LAMA2: variants seen among roughly 807,000 people sequenced by gnomAD.
LAMA2 encodes the protein laminin subunit alpha 2.
In LAMA2, 269 loss-of-function variants were observed where a neutral mutation model predicts 364.8. The ratio of observed to expected loss-of-function variants is 0.74; its 90% CI spans 0.67 to 0.82. The LOEUF (loss-of-function observed/expected upper bound fraction) is 0.82, where lower values mean the gene tolerates loss of function less well. Among genes scored for constraint, LAMA2 ranks in the 40% least tolerant of loss-of-function variants. LAMA2 has a pLI of 0.00. For synonymous variants in LAMA2, 1,379 were observed against 1,370.6 expected (o/e 1.01, Z -0.14); for missense variants, 3,807 against 3,873.2 (o/e 0.98, Z 0.45).
chr6:129,332,012 A>C (rs1357460627), intron 29 of LAMA2, among the ~76,000 whole-genome samples: 3 of 152,168 alleles, frequency 2.0e-5, no homozygotes, highest in Non-Finnish European at 2.9e-5. Context: ...ATTACTCTGA[A>C]ATCTACATAG....
intron 46 of LAMA2, among the ~76,000 whole-genome samples, 156 bp from the exon 47 acceptor site, chr6:129,453,999 A>G (rs1441410850): frequency 6.6e-6 from 1 of 150,412 alleles, no homozygotes; most frequent in East Asian, 1.9e-4. Flanking sequence ...TTAATAATGT[A>G]TAATAATAAA....
intron 35 of LAMA2, among the ~76,000 whole-genome samples, chr6:129,385,003 A>T (rs1778899897): frequency 7.6e-6 from 1 of 132,182 alleles, no homozygotes. Context: ...GTTCATTGAG[A>T]TGTAATACAA....
intron 4 of LAMA2, among the ~76,000 whole-genome samples, chr6:129,124,788 C>G (rs1777017649): frequency 6.6e-6 from 1 of 152,110 alleles, no homozygotes; most frequent in Admixed American, 6.6e-5. Context: ...GTGCAACCAC[C>G]ACCACAATCC....
chr6:129,468,405 CAT>C (rs557189059), intron 51 of LAMA2, among the ~76,000 whole-genome samples: 32 of 151,892 alleles, frequency 2.1e-4, no homozygotes, highest in Non-Finnish European at 2.7e-4. Flanking sequence ...TGTTTTTCCA[CAT>C]GTCTTCTCAT....
intron 43 of LAMA2, chr6:129,442,152 G>A: frequency 2.5e-6 from 3 of 1,203,904 alleles, no homozygotes; most frequent in Non-Finnish European, 3.3e-6. Flanking sequence ...ACTGTAATTG[G>A]TATTATATGC....
chr6:128,888,527 G>A (rs372152153), intron 1 of LAMA2, among the ~76,000 whole-genome samples: 7 of 152,198 alleles, frequency 4.6e-5, no homozygotes, highest in African/African-American at 1.7e-4. Flanking sequence ...GGAATGGAGG[G>A]AGGTTGATGG....
At chr6:128,964,473 G>A (rs895136353) in intron 1 of LAMA2, among the ~76,000 whole-genome samples, 3 of 152,030 alleles carry the variant, frequency 2.0e-5, no homozygotes, top group Non-Finnish European at 4.4e-5. Flanking sequence ...CTAGAGCTCA[G>A]CTGTCATAAT....
chr6:129,127,400 C>G (rs1255650720), intron 4 of LAMA2, among the ~76,000 whole-genome samples: 1 of 152,092 alleles, frequency 6.6e-6, no homozygotes, highest in African/African-American at 2.4e-5. Flanking sequence ...TGTATGTGTA[C>G]GACGTTTTCT....
intron 5 of LAMA2, 50 bp downstream of exon 5, chr6:129,144,130 CT>C: frequency 1.4e-6 from 2 of 1,437,576 alleles, no homozygotes; most frequent in Non-Finnish European, 2.0e-6. Flanking sequence ...TCCCACTTAT[CT>C]TTTTGTCTGT....
chr6:129,115,806 A>G (rs528979917), intron 4 of LAMA2, among the ~76,000 whole-genome samples: 1 of 152,272 alleles, frequency 6.6e-6, no homozygotes, highest in Admixed American at 6.5e-5. Flanking sequence ...AGAATGAGGA[A>G]GTATAAATAC....
chr6:129,396,805 A>G (rs1200576326), intron 37 of LAMA2, among the ~76,000 whole-genome samples: 1 of 151,980 alleles, frequency 6.6e-6, no homozygotes, highest in Non-Finnish European at 1.5e-5. Context: ...GTGACACCCT[A>G]TCTCTATAGA....
At chr6:129,335,116 G>A (rs911683269) in intron 29 of LAMA2, among the ~76,000 whole-genome samples, 12 of 152,238 alleles carry the variant, frequency 7.9e-5, no homozygotes, top group African/African-American at 2.9e-4. Context: ...AAGAAACCCA[G>A]ATCACCTTGT....
At chr6:129,177,994 T>A (rs1780712076) in intron 10 of LAMA2, 128 bp downstream of exon 10, 2 of 957,336 alleles carry the variant, frequency 2.1e-6, no homozygotes, top group South Asian at 2.8e-5. Flanking sequence ...CTATTCTACG[T>A]GTGGTGACCC....
Position 129,507,613 on chromosome 6 carries a change from A to G in LAMA2, c.8828A>G (p.Tyr2943Cys). ...TTTGCAAATGCTCAGAGGGGAACAT[A>G]TTTTGACGGAACCGGTTTTGCCAAA... is the stretch of plus-strand genomic sequence containing the variant. ...TCFANAQRGT[Y>C]FDGTGFAKAV... is the part of the protein sequence containing the mutation. Residue 2943 changes from tyrosine (Y) to cysteine (C), a missense_variant, in exon 62 of 65, where the codon TAT becomes TGT. Tyr to Cys is a radical substitution (Grantham distance 194). Transcript: ENST00000421865. The G allele has an allele frequency of 1.2e-6, 2 of 1,614,166 alleles. No individual in the cohort carries two copies. The highest frequency in any genetic ancestry group is 1.7e-5 in the Admixed American group (1 of 60,030).
At chr6:129,342,676 T>C (rs1354214162) in intron 30 of LAMA2, among the ~76,000 whole-genome samples, 2 of 152,150 alleles carry the variant, frequency 1.3e-5, no homozygotes, top group East Asian at 3.9e-4. Context: ...AAGTAAATAA[T>C]ACTTATTAAT....
intron 64 of LAMA2, among the ~76,000 whole-genome samples, chr6:129,515,600 A>C (rs1353338543): frequency 6.7e-6 from 1 of 149,092 alleles, no homozygotes; most frequent in Non-Finnish European, 1.5e-5. Context: ...AATGTAAGAA[A>C]GTGATAAAGT....
intron 19 of LAMA2, 40 bp downstream of exon 19, chr6:129,288,098 T>C (rs763582106): frequency 2.6e-5 from 40 of 1,545,010 alleles, no homozygotes; most frequent in Non-Finnish European, 3.5e-5. Flanking sequence ...AGAATTGATG[T>C]ATTGTACCTC....
At chr6:129,187,564 AG>A (rs1444938981) in intron 10 of LAMA2, among the ~76,000 whole-genome samples, 1 of 151,030 alleles carries the variant, frequency 6.6e-6, no homozygotes, top group East Asian at 1.9e-4. Flanking sequence ...AATATCTCTT[AG>A]GATGGACTTT....
At chr6:129,506,575 T>C (rs1786094868) in intron 61 of LAMA2, among the ~76,000 whole-genome samples, 1 of 152,120 alleles carries the variant, frequency 6.6e-6, no homozygotes, top group Admixed American at 6.5e-5. Flanking sequence ...ATTCACAAAA[T>C]AATTTTTTAT....
Sources: gnomAD v4.1 joint callset for allele counts (sites outside exome capture counted in the v4.1 genomes callset) on GRCh38, gnomAD v4.1.1 for gene constraint, MANE v1.5 for transcripts, NCBI Gene and HGNC (gene_info 2026-07-23, HGNC 2026-07-21) for gene names.